PPP2R2C: variants seen among roughly 807,000 people sequenced by gnomAD.
PPP2R2C encodes protein phosphatase 2, regulatory subunit B, gamma.
A neutral mutation model predicts 45.3 loss-of-function variants in PPP2R2C; 10 were observed. That is an observed-to-expected ratio of 0.22 (90% CI 0.14 to 0.37). The LOEUF is 0.37. Among genes scored for constraint, PPP2R2C ranks in the 10% least tolerant of loss-of-function variants. PPP2R2C has a pLI of 1.00. For synonymous variants in PPP2R2C, 257 were observed against 245.4 expected, an observed-to-expected ratio of 1.05 and a Z score of -0.44; for missense variants, 308 against 619.7, an observed-to-expected ratio of 0.50 and a Z score of 5.34.
intron 5 of PPP2R2C, among the ~76,000 whole-genome samples, chr4:6,365,389 A>G (rs532274171): frequency 2.0e-5 from 3 of 152,194 alleles, no homozygotes; most frequent in African/African-American, 4.8e-5. Context: ...GGTGGCCTGT[A>G]AGGTACCCGA....
At chr4:6,363,575 T>A (rs1051546753) in intron 5 of PPP2R2C, among the ~76,000 whole-genome samples, 1 of 149,988 alleles carries the variant, frequency 6.7e-6, no homozygotes, top group Non-Finnish European at 1.5e-5. Context: ...TGAGTCTCCA[T>A]CTCAAAAAAA....
intron 1 of PPP2R2C, chr4:6,382,439 G>T (rs376168998): frequency 4.5e-4 from 611 of 1,351,820 alleles, no homozygotes; most frequent in Non-Finnish European, 5.7e-4. Context: ...TCCCTCTGGC[G>T]GCCAACGTGA....
At chr4:6,359,403 G>C (rs1014783169) in intron 5 of PPP2R2C, among the ~76,000 whole-genome samples, 13 of 152,138 alleles carry the variant, frequency 8.5e-5, no homozygotes, top group African/African-American at 3.1e-4. Context: ...TAAATGACGA[G>C]TTGATGGGTG....
chr4:6,433,218 G>T (rs1388836532), intron 1 of PPP2R2C, among the ~76,000 whole-genome samples: 1 of 152,164 alleles, frequency 6.6e-6, no homozygotes, highest in African/African-American at 2.4e-5. Flanking sequence ...TTGTTCGAGG[G>T]TCTGCTCTGT....
chr4:6,359,722 G>A (rs1033181573), intron 5 of PPP2R2C, among the ~76,000 whole-genome samples: 3 of 151,872 alleles, frequency 2.0e-5, no homozygotes, highest in Admixed American at 6.5e-5. Context: ...CCAGCCCCAC[G>A]TGAGGCTGGA....
At chr4:6,528,470 C>T (rs1232569399) in intron 2 of PPP2R2C, among the ~76,000 whole-genome samples, 1 of 152,194 alleles carries the variant, frequency 6.6e-6, no homozygotes, top group Non-Finnish European at 1.5e-5. Context: ...AGAGAGCGTT[C>T]CTCCACTCGA....
intron 1 of PPP2R2C, among the ~76,000 whole-genome samples, chr4:6,422,007 C>G (rs1258279766): frequency 6.6e-6 from 1 of 151,726 alleles, no homozygotes; most frequent in East Asian, 1.9e-4. Flanking sequence ...TTGCAAAAAC[C>G]GAATCATGCC....
At position 6,446,204 on chromosome 4, in the gene PPP2R2C, C is replaced by T. The variant is rs528155940; in HGVS notation, c.70+25956G>A. Among the ~76,000 whole-genome samples the T allele has an allele frequency of 1.7e-4, 26 of 152,332 alleles. No individual in the cohort carries two copies. The South Asian group carries it at 5.0e-3, about 29-fold the overall frequency. Reference sequence around the variant, plus strand: ...CCGCCTAGAACCACGTTCTGAGACTCTAGAACTCGGAGCTGCCCCTGCAGC... The same window carrying T: ...CCGCCTAGAACCACGTTCTGAGACTTTAGAACTCGGAGCTGCCCCTGCAGC... On this transcript the variant is annotated intron_variant, in intron 1 of 8. Transcript: ENST00000382599.
chr4:6,392,991 T>C (rs1048666133), intron 1 of PPP2R2C, among the ~76,000 whole-genome samples: 1 of 152,240 alleles, frequency 6.6e-6, no homozygotes, highest in Non-Finnish European at 1.5e-5. Context: ...TCCAGGTCTA[T>C]GAGGAAAGGC....
Position 6,329,369 on chromosome 4 carries a change from A to G in PPP2R2C, c.961-16T>C. The G allele has an allele frequency of 6.2e-7, 1 of 1,608,918 alleles. No individual in the cohort carries two copies. The highest frequency in any genetic ancestry group is 8.5e-7 in the Non-Finnish European group (1 of 1,175,282). On this transcript the variant is annotated splice_polypyrimidine_tract_variant and intron_variant, in intron 7 of 8. Transcript: ENST00000382599. The surrounding 1 kb of genome is among the most constrained non-coding windows in gnomAD (Gnocchi z 5.8). ...AGTCATGGACCTGGTGGGATAAGGGATGAGGTGAGTGGACGGGGCGTCCCG... is the reference window on the plus strand; with the variant it reads ...AGTCATGGACCTGGTGGGATAAGGGGTGAGGTGAGTGGACGGGGCGTCCCG...
At chr4:6,450,823 G>A (rs1057258934) in intron 1 of PPP2R2C, among the ~76,000 whole-genome samples, 3 of 152,150 alleles carry the variant, frequency 2.0e-5, no homozygotes, top group African/African-American at 7.2e-5. Flanking sequence ...GACAGGTGGA[G>A]GCACCTCCGC....
chr4:6,546,509 A>G (rs925573024), intron 1 of PPP2R2C, among the ~76,000 whole-genome samples: 1 of 152,152 alleles, frequency 6.6e-6, no homozygotes, highest in African/African-American at 2.4e-5. Flanking sequence ...GGGATGTGCA[A>G]TGACTAGCCC....
At chr4:6,359,432 C>T (rs1359963345) in intron 5 of PPP2R2C, among the ~76,000 whole-genome samples, 3 of 152,206 alleles carry the variant, frequency 2.0e-5, no homozygotes, top group South Asian at 4.2e-4. Flanking sequence ...CAACATGGCA[C>T]ATGTATACCT....
upstream of PPP2R2C, among the ~76,000 whole-genome samples, chr4:6,472,686 C>G (rs1245097894): frequency 6.6e-6 from 1 of 151,146 alleles, no homozygotes; most frequent in African/African-American, 2.4e-5. Context: ...TCCGCCCCCG[C>G]GGCCCTGCAG....
intron 1 of PPP2R2C, among the ~76,000 whole-genome samples, chr4:6,470,342 C>T (rs1254512990): frequency 3.3e-5 from 5 of 152,224 alleles, no homozygotes; most frequent in Non-Finnish European, 5.9e-5. Context: ...ACCTCCAGAA[C>T]TGTGCCGTCC....
intron 4 of PPP2R2C, among the ~76,000 whole-genome samples, chr4:6,374,404 A>T (rs931720647): frequency 7.9e-5 from 12 of 152,212 alleles, no homozygotes; most frequent in African/African-American, 2.9e-4. Flanking sequence ...TGGGGGTTTC[A>T]TGAGTAAAAC....
At chr4:6,447,051 T>C (rs1009055266) in intron 1 of PPP2R2C, among the ~76,000 whole-genome samples, 1 of 152,060 alleles carries the variant, frequency 6.6e-6, no homozygotes, top group Non-Finnish European at 1.5e-5. Context: ...GCCAGGAAGC[T>C]GTGGCTGGCA....
rs543280324 is a variant in PPP2R2C at position 6,335,528 on chromosome 4, G to T, written c.791-1797C>A. On this transcript the variant is annotated intron_variant, in intron 6 of 8. Transcript: ENST00000382599. ...CGCAGGATCTCATGGGCCACGGAGA[G>T]GGGTGAGGAAGTCACCATTAGGGAA... Among the ~76,000 whole-genome samples, 128 of 152,286 alleles carry T rather than the reference G, an allele frequency of 8.4e-4. 4 individuals carry two copies. In the South Asian group the frequency reaches 0.025, roughly 29 times the overall value.
intron 1 of PPP2R2C, among the ~76,000 whole-genome samples, chr4:6,540,714 T>A (rs916669311): frequency 6.6e-6 from 1 of 152,222 alleles, no homozygotes. Context: ...GCTCCACACA[T>A]GTGGTTTCTG....
Sources: gnomAD v4.1 joint callset for allele counts (sites outside exome capture counted in the v4.1 genomes callset) on GRCh38, gnomAD v4.1.1 for gene constraint, Gnocchi (gnomAD v3.1) non-coding constraint, MANE v1.5 for transcripts, NCBI Gene and HGNC (gene_info 2026-07-23, HGNC 2026-07-21) for gene names.